The following ATP2C2 variants were observed in gnomAD, a reference collection of about 807,000 sequenced individuals.
ATP2C2 encodes ATPase secretory pathway Ca2+ transporting 2.
A neutral mutation model predicts 110.8 loss-of-function variants in ATP2C2; 171 were observed. The observed-to-expected ratio is 1.54, with a 90% CI of 1.36 to 1.75. The LOEUF (loss-of-function observed/expected upper bound fraction) is 1.75, where lower values mean the gene tolerates loss of function less well. ATP2C2 is among the 40% of genes most tolerant of loss of function. ATP2C2 has a pLI of 0.00. For missense variants in ATP2C2, 1,963 were observed against 1,235.0 expected (o/e 1.59, Z -8.84); for synonymous variants, 804 against 508.4 (o/e 1.58, Z -7.82).
intron 1 of ATP2C2, among the ~76,000 whole-genome samples, chr16:84,376,108 C>A (rs1910233883): frequency 6.6e-6 from 1 of 152,022 alleles, no homozygotes; most frequent in Admixed American, 6.6e-5. Context: ...GGACAGGGGT[C>A]TGTACGTGAC....
chr16:84,427,492 C>T (rs570779190), intron 11 of ATP2C2, among the ~76,000 whole-genome samples: 35 of 152,166 alleles, frequency 2.3e-4, no homozygotes, highest in African/African-American at 7.5e-4. Flanking sequence ...CCAAGGCAGA[C>T]GATCACCTAA....
chr16:84,404,735 A>G, intron 2 of ATP2C2: 1 of 353,598 alleles, frequency 2.8e-6, no homozygotes, highest in Non-Finnish European at 5.5e-6. Flanking sequence ...TGGATCTGGT[A>G]GCTCCCTTTT....
chr16:84,423,754 G>A (rs1907561173), intron 10 of ATP2C2, among the ~76,000 whole-genome samples: 1 of 152,246 alleles, frequency 6.6e-6, no homozygotes, highest in Admixed American at 6.5e-5. Context: ...TGGCCAGAAT[G>A]GAGTCACATG....
At chr16:84,378,667 G>C (rs1158321567) in intron 1 of ATP2C2, among the ~76,000 whole-genome samples, 1 of 152,258 alleles carries the variant, frequency 6.6e-6, no homozygotes, top group African/African-American at 2.4e-5. Context: ...TCATGTGCTA[G>C]GCGCTGTGTC....
At chr16:84,377,368 G>A (rs1005657524) in intron 1 of ATP2C2, among the ~76,000 whole-genome samples, 1 of 152,162 alleles carries the variant, frequency 6.6e-6, no homozygotes, top group African/African-American at 2.4e-5. Context: ...TGTTGTCAAT[G>A]AATATGAATC....
At chr16:84,447,910 A>C (rs112137681) in intron 16 of ATP2C2, among the ~76,000 whole-genome samples, 2 of 116,326 alleles carry the variant, frequency 1.7e-5, no homozygotes, top group African/African-American at 5.9e-5. Flanking sequence ...TTAATATTAT[A>C]TTATCTTATA....
chr16:84,427,730 A>G (rs560066201), intron 11 of ATP2C2, among the ~76,000 whole-genome samples: 2 of 152,060 alleles, frequency 1.3e-5, no homozygotes, highest in East Asian at 3.9e-4. Context: ...AAAGAAACAA[A>G]CCAAAACATA....
At chr16:84,419,342 T>C (rs545552037) in intron 7 of ATP2C2, among the ~76,000 whole-genome samples, 1 of 151,516 alleles carries the variant, frequency 6.6e-6, no homozygotes, top group Non-Finnish European at 1.5e-5. Context: ...CATGGCTCCA[T>C]GTTCCCGCAC....
At chr16:84,387,654 T>C (rs7205535) in intron 1 of ATP2C2, among the ~76,000 whole-genome samples, 87,328 of 152,144 alleles carry the variant, frequency 0.57, 25,399 homozygotes, top group South Asian at 0.7. Flanking sequence ...TTCATGGAAA[T>C]GCACCAGTGA....
At position 84,432,495 on chromosome 16, in the gene ATP2C2, A is replaced by G. The variant is rs563100691; in HGVS notation, c.987-6671A>G. Among the ~76,000 whole-genome samples, 372 of 150,900 alleles carry G rather than the reference A, an allele frequency of 2.5e-3. 4 individuals carry two copies. The highest frequency in any genetic ancestry group is 3.4e-3 in the Non-Finnish European group (231 of 67,786). On this transcript the variant is annotated intron_variant, in intron 11 of 26. Transcript: ENST00000262429. ...TGTGTCCATGTATTCTCATTGTTCA[A>G]CTCCCACTTAGGAGTGAGAACATGC... is the stretch of plus-strand genomic sequence containing the variant.
At chr16:84,409,332 G>A (rs1906065059) in intron 4 of ATP2C2, among the ~76,000 whole-genome samples, 3 of 152,154 alleles carry the variant, frequency 2.0e-5, no homozygotes, top group Admixed American at 6.5e-5. Flanking sequence ...GATAGCATTA[G>A]GAGAAATACC....
Position 84,453,192 on chromosome 16 carries a change from T to A in ATP2C2, c.1886T>A (p.Val629Glu). Residue 629 changes from valine (V) to glutamate (E), a missense_variant, in exon 19 of 27, where the codon GTG (valine) becomes GAG (glutamate). By Grantham distance (121) the Val-to-Glu change is moderately radical. Transcript: ENST00000262429. ...GKLQAMSGEEVDSVEKGELAD... is the reference protein window; with the variant it reads ...GKLQAMSGEEEDSVEKGELAD... ...CTGCAAGCCATGTCCGGGGAGGAGG[T>A]GGACAGCGTGGAGAAGGGCGAGCTG... The A allele has an allele frequency of 4.3e-6, 7 of 1,613,372 alleles. No homozygotes were observed. Among genetic ancestry groups the A allele is most frequent in the Non-Finnish European group, 5.1e-6 (6 of 1,179,794 alleles).
chr16:84,419,438 C>T (rs1033058038), intron 7 of ATP2C2, among the ~76,000 whole-genome samples: 5 of 152,108 alleles, frequency 3.3e-5, no homozygotes, highest in Non-Finnish European at 5.9e-5. Flanking sequence ...CGTGATCTCA[C>T]GGGGCCCACC....
chr16:84,398,258 T>G (rs768705261), intron 1 of ATP2C2, among the ~76,000 whole-genome samples: 5 of 151,640 alleles, frequency 3.3e-5, no homozygotes, highest in African/African-American at 4.8e-5. Flanking sequence ...CAAAAAAATT[T>G]AGTGGGGTGT....
In ATP2C2 at chr16:84,463,667, C is replaced by T. The variant is rs757097845; in HGVS notation, c.2776C>T (p.Leu926Phe). 3.1e-6 allele frequency: 5 copies of T among 1,614,086 alleles called. No individual in the cohort carries two copies. The highest frequency in any genetic ancestry group is 3.3e-5 in the Admixed American group (2 of 59,980). The change falls in exon 27 of 27, where the codon CTC becomes TTC. Residue 926 changes from leucine (L) to phenylalanine (F), a missense_variant. Leu to Phe is a conservative substitution (Grantham distance 22). Transcript: ENST00000262429. ...ATCCGTCTTCATTTTGTCAGAGCTC[C>T]TCAAACTATGTGAAAAATACTGTTG... ...ASSVFILSEL[L>F]KLCEKYCCSP...
At chr16:84,373,954 C>G (rs541809764) in intron 1 of ATP2C2, among the ~76,000 whole-genome samples, 17 of 152,188 alleles carry the variant, frequency 1.1e-4, no homozygotes, top group Non-Finnish European at 2.1e-4. Context: ...TTAGGATAAT[C>G]AGACTCAAAC....
At chr16:84,376,340 C>G (rs1910248353) in intron 1 of ATP2C2, among the ~76,000 whole-genome samples, 1 of 152,170 alleles carries the variant, frequency 6.6e-6, no homozygotes, top group Non-Finnish European at 1.5e-5. Context: ...ACACTTGCTT[C>G]TGTCTTCTGT....
Position 84,425,732 on chromosome 16 carries a change from C to T in ATP2C2, c.920-3C>T, listed in dbSNP as rs755688014. 1 of 1,614,006 alleles carries T rather than the reference C, an allele frequency of 6.2e-7. No homozygotes were observed. The highest frequency in any genetic ancestry group is 2.2e-5 in the East Asian group (1 of 44,878). On this transcript the variant is annotated splice_polypyrimidine_tract_variant and splice_region_variant and intron_variant, in intron 10 of 26. Coordinates refer to ENST00000262429, the MANE Select transcript of ATP2C2 (RefSeq NM_014861.4). ...GATAAGGATGTTTTTGTCTCTTCCCCAGGTCTCATCATGCTCATTGGCTGG... is the reference window on the plus strand; with the variant it reads ...GATAAGGATGTTTTTGTCTCTTCCCTAGGTCTCATCATGCTCATTGGCTGG...
At chr16:84,410,880 C>T (rs1906223637) in intron 6 of ATP2C2, 115 bp downstream of exon 6, 5 of 1,051,412 alleles carry the variant, frequency 4.8e-6, no homozygotes, top group Admixed American at 2.0e-5. Context: ...AAGAGAACCA[C>T]ATCTCACTGG....
Sources: gnomAD v4.1 joint callset for allele counts (sites outside exome capture counted in the v4.1 genomes callset) on GRCh38, gnomAD v4.1.1 for gene constraint, MANE v1.5 for transcripts, NCBI Gene and HGNC (gene_info 2026-07-23, HGNC 2026-07-21) for gene names.